Variants in KIR2DL1 observed in about 807,000 individuals in gnomAD.
KIR2DL1 encodes killer cell immunoglobulin like receptor, two Ig domains and long cytoplasmic tail 1.
A neutral mutation model predicts 33.9 loss-of-function variants in KIR2DL1; 38 were observed. The ratio of observed to expected loss-of-function variants is 1.12; its 90% confidence interval spans 0.86 to 1.47. KIR2DL1 has a LOEUF of 1.47. Among genes scored for constraint, KIR2DL1 ranks in the 40% most tolerant of loss-of-function variants. The pLI, the probability that KIR2DL1 is intolerant of heterozygous loss-of-function variation, is 0.00. For missense variants in KIR2DL1, 531 were observed against 433.9 expected (o/e 1.22, Z -1.99); for synonymous variants, 179 against 165.9 (o/e 1.08, Z -0.61).
Position 54,771,851 on chromosome 19 carries a change from G to A in KIR2DL1, c.70+967G>A, listed in dbSNP as rs1222678989. ...GGGTTCACAACCACACTACCCCAGTGGGTGGTCGGCACCCAGCAACCCCCT... is the reference window on the plus strand; with the variant it reads ...GGGTTCACAACCACACTACCCCAGTAGGTGGTCGGCACCCAGCAACCCCCT... On this transcript the variant is annotated intron_variant, in intron 2 of 7. Coordinates refer to ENST00000336077, the MANE Select transcript of KIR2DL1 (RefSeq NM_014218.3). Among the ~76,000 whole-genome samples the A allele has an allele frequency of 4.7e-5, 7 of 147,760 alleles. 1 individual carries two copies. Among genetic ancestry groups the A allele is most frequent in the East Asian group, 1.9e-4 (1 of 5,160 alleles).
At chr19:54,774,780 G>A (rs1435041133) in intron 3 of KIR2DL1, among the ~76,000 whole-genome samples, 10 of 148,234 alleles carry the variant, frequency 6.7e-5, no homozygotes, top group African/African-American at 2.2e-4. Flanking sequence ...GACAGGTAGA[G>A]AATTTGTAGA....
At chr19:54,772,625 G>C (rs1249146858) in intron 2 of KIR2DL1, among the ~76,000 whole-genome samples, 6 of 145,790 alleles carry the variant, frequency 4.1e-5, no homozygotes, top group African/African-American at 1.3e-4. Context: ...AGAATCACTT[G>C]AACCCAGGAG....
chr19:54,777,841 T>C (rs931841812), intron 4 of KIR2DL1, among the ~76,000 whole-genome samples: 1 of 148,308 alleles, frequency 6.7e-6, no homozygotes, highest in African/African-American at 2.5e-5. Context: ...TTCATTTGAT[T>C]TTTGTGTATG....
chr19:54,777,319 A>T (rs28891118), intron 4 of KIR2DL1, among the ~76,000 whole-genome samples: 2 of 141,534 alleles, frequency 1.4e-5, no homozygotes, highest in African/African-American at 5.2e-5. Context: ...TCAAACTCCC[A>T]ACCTTATGAG....
chr19:54,783,195 A>G (rs2077240273), intron 6 of KIR2DL1, among the ~76,000 whole-genome samples, 172 bp downstream of exon 6: 3 of 151,630 alleles, frequency 2.0e-5, no homozygotes, highest in East Asian at 1.9e-4. Flanking sequence ...CCTTCAACTC[A>G]CAGACCGTTG....
chr19:54,771,477 C>T (rs608075), intron 2 of KIR2DL1, among the ~76,000 whole-genome samples: 26,003 of 145,540 alleles, frequency 0.18, 434 homozygotes, highest in South Asian at 0.29. Flanking sequence ...CGGGATGGGT[C>T]CTTCCTTTAG....
intron 4 of KIR2DL1, among the ~76,000 whole-genome samples, chr19:54,777,154 T>G (rs587475): frequency 0.17 from 19,820 of 119,662 alleles, 99 homozygotes; most frequent in South Asian, 0.27. Flanking sequence ...GCAGTGGCGC[T>G]ATCTCGGCTC....
chr19:54,773,297 A>T, intron 2 of KIR2DL1, 36 bp from the exon 3 acceptor site: 1 of 1,557,374 alleles, frequency 6.4e-7, no homozygotes, highest in Non-Finnish European at 8.8e-7. Context: ...GATGATAAAG[A>T]GAGACACCTT....
At chr19:54,780,437 CAA>C (rs2076810727) in intron 5 of KIR2DL1, among the ~76,000 whole-genome samples, 1 of 136,690 alleles carries the variant, frequency 7.3e-6, no homozygotes, top group African/African-American at 2.8e-5. Context: ...GGGAGAATGA[CAA>C]GACGACTGTA....
intron 5 of KIR2DL1, 31 bp from the exon 6 acceptor site, chr19:54,782,891 A>G: frequency 6.3e-7 from 1 of 1,598,514 alleles, no homozygotes; most frequent in Non-Finnish European, 8.6e-7. Flanking sequence ...TGCTAAGATT[A>G]GCTTCTTATT....
At chr19:54,778,485 G>T (rs2076601803) in intron 4 of KIR2DL1, 127 bp from the exon 5 acceptor site, 2 of 961,128 alleles carry the variant, frequency 2.1e-6, no homozygotes, top group Non-Finnish European at 3.1e-6. Context: ...TGGAAAAAAG[G>T]ATCCCAGGAC....
Position 54,770,934 on chromosome 19 carries a change from T to C in KIR2DL1, c.70+50T>C, listed in dbSNP as rs1457693701. 1.4e-5 allele frequency: 22 copies of C among 1,570,786 alleles called. No homozygotes were observed. In the Middle Eastern group the frequency reaches 1.1e-3, roughly 75 times the overall value. The stretch of plus-strand genomic sequence containing the variant: ...GTGTCATCTCCCCACATAAGAGGAT[T>C]TTCCTGAAATGGGAGGGAAGTCCTG... On this transcript the variant is annotated intron_variant, in intron 2 of 7. Coordinates refer to ENST00000336077, the MANE Select transcript of KIR2DL1 (RefSeq NM_014218.3).
chr19:54,774,134 C>A (rs2076069280), intron 3 of KIR2DL1, among the ~76,000 whole-genome samples: 1 of 148,550 alleles, frequency 6.7e-6, no homozygotes. Context: ...TATCATGGCC[C>A]CACAACACCA....
At position 54,783,598 on chromosome 19, in the gene KIR2DL1, G is replaced by T. The variant is rs200260088; in HGVS notation, c.871-39G>T. 10 of 1,613,826 alleles carry T rather than the reference G, an allele frequency of 6.2e-6. No individual in the cohort carries two copies. The African/African-American group carries it at 1.1e-4, about 17-fold the overall frequency. On this transcript the variant is annotated intron_variant, in intron 7 of 7. Transcript: ENST00000336077. ...TTATTCCCAAAGAGTCCTGGAAAAT[G>T]TGAGCACCCTCCCTCACTCAGCATT...
intron 3 of KIR2DL1, 39 bp from the exon 4 acceptor site, chr19:54,775,123 AAAG>A (rs2076165565): frequency 6.5e-7 from 1 of 1,537,528 alleles, no homozygotes; most frequent in Non-Finnish European, 8.8e-7. Flanking sequence ...GAGCTGTGAC[AAAG>A]AAGATCCTCC....
At chr19:54,774,359 G>A (rs1359363883) in intron 3 of KIR2DL1, among the ~76,000 whole-genome samples, 2 of 142,824 alleles carry the variant, frequency 1.4e-5, no homozygotes, top group Non-Finnish European at 3.1e-5. Flanking sequence ...GAGGAGTGGT[G>A]AGAATGATGG....
chr19:54,780,242 A>G (rs2076794345), intron 5 of KIR2DL1: 1 of 453,146 alleles, frequency 2.2e-6, no homozygotes, highest in African/African-American at 2.5e-5. Flanking sequence ...TGAGTGTATG[A>G]TTTCAGGTGA....
rs2147703240 is a variant in KIR2DL1 at position 54,784,293 on chromosome 19, C to T, written c.*480C>T. Reference sequence around the variant, plus strand: ...TTTAAAATAACTTCAATGTAGTTTTCCATCCTTCAAATAAACATGTCTGCC... The same window carrying T: ...TTTAAAATAACTTCAATGTAGTTTTTCATCCTTCAAATAAACATGTCTGCC... On this transcript the variant is annotated 3_prime_UTR_variant, in exon 8 of 8. Transcript: ENST00000336077. 4 of 244,288 alleles carry T rather than the reference C, an allele frequency of 1.6e-5. No individual in the cohort carries two copies. In the South Asian group the frequency reaches 2.0e-4, roughly 12 times the overall value. The allele number at this position is 244,288 out of a possible 1,614,324, so 15.1% of individuals were successfully genotyped here. A position where few individuals can be genotyped will look rare whatever the true frequency, so the allele number is the denominator to read the frequency against.
rs546482274 is a variant in KIR2DL1, at chr19:54,780,195, T to A, written c.715+1533T>A. On this transcript the variant is annotated intron_variant, in intron 5 of 7. Transcript: ENST00000336077. ...ATGGGACTACAGGCGTGAGCCACTGTGCCCAGCCAGAATTCAAAATCAATA... is the reference window on the plus strand; with the variant it reads ...ATGGGACTACAGGCGTGAGCCACTGAGCCCAGCCAGAATTCAAAATCAATA... 8.0e-4 allele frequency: 391 copies of A among 487,518 alleles called. No homozygotes were observed. In the African/African-American group the frequency reaches 9.0e-3, roughly 11 times the overall value. The allele number at this position is 487,518 out of a possible 1,614,324, so 30.2% of individuals were successfully genotyped here. A position where few individuals can be genotyped will look rare whatever the true frequency, so the allele number is the denominator to read the frequency against.
Sources: gnomAD v4.1 joint callset for allele counts (sites outside exome capture counted in the v4.1 genomes callset) on GRCh38, gnomAD v4.1.1 for gene constraint, MANE v1.5 for transcripts, NCBI Gene and HGNC (gene_info 2026-07-23, HGNC 2026-07-21) for gene names.